The following TRAF3 variants were observed in gnomAD, a reference collection of about 807,000 sequenced individuals.
TRAF3 encodes TNF receptor-associated factor 3.
A neutral mutation model predicts 62.3 loss-of-function variants in TRAF3; 13 were observed. The ratio of observed to expected loss-of-function variants is 0.21; its 90% CI spans 0.14 to 0.33. TRAF3 has a LOEUF of 0.33. Ranked by LOEUF, TRAF3 falls within the 10% of genes least tolerant of loss-of-function variation. The probability of loss-of-function intolerance (pLI) is 1.00; values close to 1 mark genes in which losing one functional copy is unlikely to be tolerated. For synonymous variants in TRAF3, 269 were observed against 283.4 expected (o/e 0.95, Z 0.51); for missense variants, 440 against 741.8 (o/e 0.59, Z 4.73).
chr14:102,905,418 T>C lies in TRAF3; in HGVS notation c.1341T>C (p.Thr447=). 1 of 1,614,220 alleles carries C rather than the reference T, an allele frequency of 6.2e-7. No homozygotes were observed. Among genetic ancestry groups the C allele is most frequent in the Non-Finnish European group, 8.5e-7 (1 of 1,180,044 alleles). The part of the protein sequence containing the change: ...TLSLYSQPFY[T]GYFGYKMCAR... ...CCCTTTACAGCCAGCCTTTCTACAC[T>C]GGTTACTTTGGCTATAAGATGTGTG... The change falls in exon 12 of 12, where the codon ACT becomes ACC. Residue 447 remains threonine, a synonymous_variant. Transcript: ENST00000392745.
At chr14:102,793,871 G>A (rs1454230797) in intron 1 of TRAF3, among the ~76,000 whole-genome samples, 3 of 152,218 alleles carry the variant, frequency 2.0e-5, no homozygotes, top group Non-Finnish European at 4.4e-5. Flanking sequence ...TACATCTCAT[G>A]GTTCTGTGGG....
chr14:102,782,239 A>G (rs1427393532), intron 1 of TRAF3, among the ~76,000 whole-genome samples: 1 of 148,184 alleles, frequency 6.7e-6, no homozygotes, highest in Non-Finnish European at 1.5e-5. Flanking sequence ...CACTCGGCCT[A>G]TTTGTTTTTT....
chr14:102,828,081 A>G (rs1309467717), intron 1 of TRAF3, among the ~76,000 whole-genome samples: 1 of 152,274 alleles, frequency 6.6e-6, no homozygotes, highest in Non-Finnish European at 1.5e-5. Context: ...CAGTTGTCAC[A>G]GCCATCCTCC....
chr14:102,854,109 T>C (rs1049125542), intron 2 of TRAF3, among the ~76,000 whole-genome samples: 13 of 152,198 alleles, frequency 8.5e-5, no homozygotes, highest in African/African-American at 3.1e-4. Context: ...TTGTAGCATA[T>C]ATAGTACCTC....
intron 10 of TRAF3, among the ~76,000 whole-genome samples, chr14:102,900,207 A>T (rs1209818727): frequency 1.2e-4 from 18 of 144,300 alleles, no homozygotes; most frequent in African/African-American, 4.1e-4. Flanking sequence ...AAAAAAAGAC[A>T]GCCTAGGCCG....
intron 2 of TRAF3, among the ~76,000 whole-genome samples, chr14:102,854,385 T>C (rs1252078478): frequency 1.3e-5 from 2 of 152,234 alleles, no homozygotes; most frequent in Non-Finnish European, 2.9e-5. Flanking sequence ...CTGCACCATT[T>C]TACATTCCTG....
rs761467469 is a variant in TRAF3, at chr14:102,876,504, G to C, written c.549G>C (p.Gln183His). The stretch of plus-strand genomic sequence containing the variant: ...CCACATGCAGCCACTGCAAGAGTCA[G>C]GTTCCGATGATCGCGCTGCAGGTGC... Reference protein sequence around the residue: ...REATCSHCKSQVPMIALQKHE... With the variant: ...REATCSHCKSHVPMIALQKHE... Residue 183 changes from glutamine (Q) to histidine (H), a missense_variant, in exon 6 of 12, where the codon CAG becomes CAC. Gln to His is a conservative substitution (Grantham distance 24). Transcript: ENST00000392745. 1 of 1,614,078 alleles carries C rather than the reference G, an allele frequency of 6.2e-7. No homozygotes were observed. The highest frequency in any genetic ancestry group is 1.7e-5 in the Admixed American group (1 of 60,020).
chr14:102,894,128 A>G (rs924111658), intron 9 of TRAF3, among the ~76,000 whole-genome samples: 17 of 152,102 alleles, frequency 1.1e-4, no homozygotes, highest in African/African-American at 4.1e-4. Flanking sequence ...GGAGTTCGAG[A>G]CCAGCCTGGG....
At chr14:102,867,283 CACTT>C (rs1337581199) in intron 2 of TRAF3, among the ~76,000 whole-genome samples, 4 of 152,214 alleles carry the variant, frequency 2.6e-5, no homozygotes, top group Non-Finnish European at 4.4e-5. Context: ...ACTACATACA[CACTT>C]AGTCTTTGTT....
rs545595597 is a variant in TRAF3, at chr14:102,839,278, G to A, written c.-18+8806G>A. Among the ~76,000 whole-genome samples the A allele has an allele frequency of 3.6e-5, 5 of 139,444 alleles. No individual in the cohort carries two copies. The East Asian group carries it at 1.1e-3, about 29-fold the overall frequency. 91.5% of individuals were successfully genotyped at this position (139,444 alleles called of 152,430 possible). On this transcript the variant is annotated intron_variant, in intron 2 of 11. Transcript: ENST00000392745. ...CTGTCACCCAGGCTGTAGTGCAGTGGCGCGATCTTCGCTCACTGCAACCTC... is the reference window on the plus strand; with the variant it reads ...CTGTCACCCAGGCTGTAGTGCAGTGACGCGATCTTCGCTCACTGCAACCTC...
chr14:102,788,989 T>A (rs1897647386), intron 1 of TRAF3, among the ~76,000 whole-genome samples: 2 of 151,912 alleles, frequency 1.3e-5, no homozygotes, highest in African/African-American at 4.8e-5. Context: ...GAAAAACAAC[T>A]TTTCATCCCC....
intron 1 of TRAF3, among the ~76,000 whole-genome samples, chr14:102,801,239 G>A (rs1898393720): frequency 6.6e-6 from 1 of 152,146 alleles, no homozygotes; most frequent in Non-Finnish European, 1.5e-5. Flanking sequence ...CTCCCAAAGT[G>A]CTGGGATTAC....
chr14:102,805,380 C>T (rs1214996629), intron 1 of TRAF3, among the ~76,000 whole-genome samples: 1 of 152,218 alleles, frequency 6.6e-6, no homozygotes, highest in East Asian at 1.9e-4. Flanking sequence ...GAATTACTCA[C>T]TTTTCTGTGG....
intron 10 of TRAF3, among the ~76,000 whole-genome samples, chr14:102,897,958 C>T (rs942664548): frequency 4.6e-5 from 7 of 152,252 alleles, no homozygotes; most frequent in East Asian, 1.9e-4. Flanking sequence ...TGTCTTCTGT[C>T]GTCACAGGTG....
Position 102,903,441 on chromosome 14 carries a change from G to T in TRAF3, c.1135+12G>T. The T allele has an allele frequency of 6.2e-7, 1 of 1,613,182 alleles. No homozygotes were observed. The highest frequency in any genetic ancestry group is 8.5e-7 in the Non-Finnish European group (1 of 1,179,772). ...GGCTCGGAACACAGGTGAGGCAGGG[G>T]CCGGGGCCGGGCCAGCAGTGTGCAT... On this transcript the variant is annotated intron_variant, in intron 11 of 11. Coordinates refer to ENST00000392745, the MANE Select transcript of TRAF3 (RefSeq NM_145725.3). This position sits in a 1 kb window ranked among gnomAD's most constrained non-coding sequence, Gnocchi z 6.4.
At chr14:102,823,235 C>T (rs1015673334) in intron 1 of TRAF3, among the ~76,000 whole-genome samples, 1 of 152,084 alleles carries the variant, frequency 6.6e-6, no homozygotes, top group African/African-American at 2.4e-5. Flanking sequence ...GGCTTATTTT[C>T]GTTCTTGTGA....
At chr14:102,895,573 A>G (rs373099176) in intron 9 of TRAF3, among the ~76,000 whole-genome samples, 1 of 152,304 alleles carries the variant, frequency 6.6e-6, no homozygotes, top group East Asian at 1.9e-4. Flanking sequence ...AGAGGCACAC[A>G]TCGGATCTGG....
intron 2 of TRAF3, among the ~76,000 whole-genome samples, chr14:102,856,097 CAAAAAAAAAAA>C (rs3070340): frequency 0.017 from 1,045 of 62,960 alleles, 11 homozygotes; most frequent in Middle Eastern, 0.035. Flanking sequence ...CCCTGTCTCA[CAAAAAAAAAAA>C]AAAAAAAAAA....
chr14:102,785,069 T>C (rs1439916252), intron 1 of TRAF3, among the ~76,000 whole-genome samples: 1 of 152,236 alleles, frequency 6.6e-6, no homozygotes, highest in Non-Finnish European at 1.5e-5. Context: ...GTTCATGGTT[T>C]CACCACAGCT....
Sources: allele counts gnomAD v4.1 joint callset (sites outside exome capture counted in the v4.1 genomes callset), GRCh38; gene constraint gnomAD v4.1.1; non-coding constraint Gnocchi (gnomAD v3.1); transcripts MANE v1.5; gene names NCBI Gene and HGNC (gene_info 2026-07-23, HGNC 2026-07-21).